The following SLC14A2 variants were observed in gnomAD, a reference collection of about 807,000 sequenced individuals.
The protein encoded by SLC14A2 is urea transporter 2.
A neutral mutation model predicts 104.6 loss-of-function variants in SLC14A2; 91 were observed. The ratio of observed to expected loss-of-function variants is 0.87; its 90% CI spans 0.73 to 1.04. The LOEUF (loss-of-function observed/expected upper bound fraction) is 1.04. Among genes scored for constraint, SLC14A2 ranks in the 50% least tolerant of loss-of-function variants. The probability of loss-of-function intolerance (pLI) is 0.00; values close to 1 mark genes in which losing one functional copy is unlikely to be tolerated. For missense variants in SLC14A2, 1,189 were observed against 1,156.0 expected (o/e 1.03, Z -0.41); for synonymous variants, 476 against 466.4 (o/e 1.02, Z -0.27).
At chr18:45,334,866 G>A (rs192464897) in intron 1 of SLC14A2, among the ~76,000 whole-genome samples, 8 of 152,232 alleles carry the variant, frequency 5.3e-5, no homozygotes, top group Admixed American at 5.2e-4. Flanking sequence ...GCCTGCTGGC[G>A]GAGGGGTCTA....
chr18:45,447,090 C>T (rs1057268882), intron 1 of SLC14A2, among the ~76,000 whole-genome samples: 1 of 152,102 alleles, frequency 6.6e-6, no homozygotes, highest in Non-Finnish European at 1.5e-5. Flanking sequence ...TGTTCTTTGG[C>T]CATAGCTCCT....
At chr18:45,600,000 G>C (rs978138123) in intron 2 of SLC14A2, among the ~76,000 whole-genome samples, 2 of 151,704 alleles carry the variant, frequency 1.3e-5, no homozygotes, top group South Asian at 4.2e-4. Context: ...ATGAGATTTG[G>C]GTGGGGACAC....
At chr18:45,470,704 A>G (rs1324609734) in intron 1 of SLC14A2, among the ~76,000 whole-genome samples, 1 of 152,166 alleles carries the variant, frequency 6.6e-6, no homozygotes, top group Non-Finnish European at 1.5e-5. Flanking sequence ...TGACATGTGT[A>G]TAGTTCCTCT....
At chr18:45,220,487 G>A (rs889016147) in intron 1 of SLC14A2, among the ~76,000 whole-genome samples, 6 of 152,194 alleles carry the variant, frequency 3.9e-5, no homozygotes, top group Admixed American at 2.6e-4. Flanking sequence ...ATCAAACTGA[G>A]GCAGGGTTTT....
At chr18:45,655,370 G>A (rs1266063335) in intron 10 of SLC14A2, among the ~76,000 whole-genome samples, 1 of 152,176 alleles carries the variant, frequency 6.6e-6, no homozygotes, top group African/African-American at 2.4e-5. Context: ...ATCCTGTGAG[G>A]CATGAATGTG....
the SLC14A2 span, among the ~76,000 whole-genome samples, chr18:45,187,260 C>A: frequency 1.3e-5 from 2 of 152,048 alleles, no homozygotes; most frequent in Non-Finnish European, 2.9e-5. Flanking sequence ...CTGTGGTTGA[C>A]TGGGTAGACA....
intron 11 of SLC14A2, among the ~76,000 whole-genome samples, chr18:45,664,751 T>G (rs1037623622): frequency 6.6e-6 from 1 of 151,952 alleles, no homozygotes; most frequent in Non-Finnish European, 1.5e-5. Context: ...GGACTTTGAG[T>G]GAATATGGGA....
chr18:45,387,726 C>T (rs1362286271), intron 1 of SLC14A2, among the ~76,000 whole-genome samples: 1 of 152,090 alleles, frequency 6.6e-6, no homozygotes, highest in African/African-American at 2.4e-5. Flanking sequence ...CATGTCTCTT[C>T]GAATGTAGAA....
intron 1 of SLC14A2, among the ~76,000 whole-genome samples, chr18:45,368,230 C>T (rs941723582): frequency 6.6e-6 from 1 of 152,138 alleles, no homozygotes; most frequent in Non-Finnish European, 1.5e-5. Flanking sequence ...GTGACATGCC[C>T]ACACTTACAG....
chr18:45,262,955 ACTG>A (rs1370456370), intron 1 of SLC14A2, among the ~76,000 whole-genome samples: 1 of 152,240 alleles, frequency 6.6e-6, no homozygotes, highest in South Asian at 2.1e-4. Context: ...TCCAGCTTTG[ACTG>A]CTAACATCTT....
intron 1 of SLC14A2, among the ~76,000 whole-genome samples, chr18:45,254,041 G>A (rs1046225133): frequency 6.6e-6 from 1 of 152,130 alleles, no homozygotes; most frequent in African/African-American, 2.4e-5. Flanking sequence ...GGCCCTAGGG[G>A]TCATCCAGGC....
the SLC14A2 span, among the ~76,000 whole-genome samples, chr18:45,201,294 C>G: frequency 6.6e-6 from 1 of 152,116 alleles, no homozygotes; most frequent in African/African-American, 2.4e-5. Context: ...AGCCAGCCCA[C>G]TTAAAGAGTG....
At chr18:45,663,727 G>T in intron 10 of SLC14A2, 58 bp from the exon 11 acceptor site, 2 of 1,571,766 alleles carry the variant, frequency 1.3e-6, no homozygotes, top group South Asian at 1.2e-5. Flanking sequence ...TCTCTGCTTG[G>T]CTCTCTCAGG....
intron 1 of SLC14A2, among the ~76,000 whole-genome samples, chr18:45,342,400 G>C (rs961719231): frequency 2.6e-5 from 4 of 152,132 alleles, no homozygotes; most frequent in African/African-American, 9.7e-5. Context: ...TGAAAGAAGA[G>C]ACAGCAGATC....
chr18:45,534,322 A>G (rs1255865991), intron 2 of SLC14A2, among the ~76,000 whole-genome samples: 2 of 152,116 alleles, frequency 1.3e-5, no homozygotes, highest in South Asian at 2.1e-4. Flanking sequence ...AGAAACACAC[A>G]AAGACTAACT....
rs549155392 is a variant in SLC14A2 at position 45,525,016 on chromosome 18, G to T, written c.-35+41694G>T. Among the ~76,000 whole-genome samples the T allele has an allele frequency of 6.6e-5, 10 of 152,206 alleles. No individual in the cohort carries two copies. In the South Asian group the frequency reaches 2.1e-3, roughly 32 times the overall value. ...CAGGGATAATATAGAAAGCTTATGGGCAGCTTTTAATATCCACCTCCCTAT... is the reference window on the plus strand; with the variant it reads ...CAGGGATAATATAGAAAGCTTATGGTCAGCTTTTAATATCCACCTCCCTAT... On this transcript the variant is annotated intron_variant, in intron 2 of 20. Coordinates refer to the SLC14A2 transcript ENST00000586448.
intron 1 of SLC14A2, among the ~76,000 whole-genome samples, chr18:45,216,778 G>A (rs1269412125): frequency 2.6e-5 from 4 of 152,188 alleles, no homozygotes; most frequent in Non-Finnish European, 5.9e-5. Context: ...CGATGTTTCG[G>A]TCAACTTATT....
chr18:45,345,875 A>G lies in SLC14A2; in HGVS notation c.-125+132684A>G, dbSNP rs141088200. Among the ~76,000 whole-genome samples the G allele has an allele frequency of 1.4e-3, 216 of 152,350 alleles. 1 individual carries two copies. The highest frequency in any genetic ancestry group is 5.0e-3 in the African/African-American group (206 of 41,576). On this transcript the variant is annotated intron_variant, in intron 1 of 20. Coordinates refer to the SLC14A2 transcript ENST00000586448. The stretch of plus-strand genomic sequence containing the variant: ...ATAGAAAATGTGCATATTTAAATTT[A>G]CTAGGTAATGCCAGCTGCTCTCCGA...
In SLC14A2 at chr18:45,525,470, G is replaced by A. The variant is rs188850413; in HGVS notation, c.-35+42148G>A. Among the ~76,000 whole-genome samples the A allele has an allele frequency of 1.4e-3, 212 of 152,320 alleles. 3 individuals are homozygous for A. The highest frequency in any genetic ancestry group is 8.8e-5 in the Non-Finnish European group (6 of 68,038). ...AAGATCCCTAGAGATATGCAGCTTA[G>A]ATATGCCTTGGCTCCATTTCCCTTT... On this transcript the variant is annotated intron_variant, in intron 2 of 20. Coordinates refer to the SLC14A2 transcript ENST00000586448.
Sources: allele counts gnomAD v4.1 joint callset (sites outside exome capture counted in the v4.1 genomes callset), GRCh38; gene constraint gnomAD v4.1.1; transcripts MANE v1.5; gene names NCBI Gene and HGNC (gene_info 2026-07-23, HGNC 2026-07-21).